The following PKHD1 variants were observed in gnomAD, a reference collection of about 807,000 sequenced individuals.
PKHD1 encodes PKHD1 ciliary IPT domain containing fibrocystin/polyductin.
Under a neutral mutation model 412.0 loss-of-function variants are expected in PKHD1, and 291 were observed. The ratio of observed to expected loss-of-function variants is 0.71; its 90% CI spans 0.64 to 0.78. PKHD1 has a LOEUF of 0.78. PKHD1 is among the 30% of genes least tolerant of loss of function. The probability of loss-of-function intolerance (pLI) is 0.00; values close to 1 mark genes in which losing one functional copy is unlikely to be tolerated. For synonymous variants in PKHD1, 1,777 were observed against 1,821.5 expected (o/e 0.98, Z 0.62); for missense variants, 4,825 against 4,950.7 (o/e 0.97, Z 0.76).
chr6:51,920,110 C>T (rs1000304802), intron 37 of PKHD1, among the ~76,000 whole-genome samples: 1 of 152,182 alleles, frequency 6.6e-6, no homozygotes, highest in African/African-American at 2.4e-5. Context: ...TAATTGAATA[C>T]CCTTTATTTC....
chr6:52,014,700 A>ATG (rs1800264516), intron 34 of PKHD1, among the ~76,000 whole-genome samples: 3 of 80,664 alleles, frequency 3.7e-5, no homozygotes, highest in South Asian at 4.4e-4. Flanking sequence ...TATACTGGAT[A>ATG]GATGGATGGA....
chr6:52,003,957 G>C (rs1006387395), intron 35 of PKHD1, among the ~76,000 whole-genome samples: 2 of 152,104 alleles, frequency 1.3e-5, no homozygotes, highest in Admixed American at 1.3e-4. Flanking sequence ...TAACATTATT[G>C]AGAACTCCAA....
intron 65 of PKHD1, among the ~76,000 whole-genome samples, chr6:51,627,372 G>A (rs1226615955): frequency 6.6e-6 from 1 of 151,756 alleles, no homozygotes; most frequent in African/African-American, 2.4e-5. Context: ...AATGTTACTA[G>A]TTAAATTGAG....
At chr6:52,035,464 C>A in intron 28 of PKHD1, 127 bp downstream of exon 28, 1 of 964,986 alleles carries the variant, frequency 1.0e-6, no homozygotes, top group South Asian at 1.3e-5. Flanking sequence ...ATAACTACTA[C>A]AAGCATACTA....
In PKHD1 at chr6:51,659,703, C is replaced by T; in HGVS notation, c.10423G>A (p.Asp3475Asn). The change falls in exon 61 of 67, where the codon GAT (aspartate) becomes AAT (asparagine). Residue 3475 changes from aspartate (D) to asparagine (N), a missense_variant. Asp to Asn is a conservative substitution (Grantham distance 23). Transcript: ENST00000371117. ...AAGCGCAAAACTTGAGGAGTTTGAT[C>T]CATGAAGCAGACTTTGGTGATTTGC... ...IRQITKVCFM[D>N]QTPQVLRFFL... 6.2e-7 allele frequency: 1 copy of T among 1,613,764 alleles called. No homozygotes were observed. The highest frequency in any genetic ancestry group is 8.5e-7 in the Non-Finnish European group (1 of 1,179,872).
At chr6:52,057,017 C>A (rs199601270) in intron 16 of PKHD1, 38 bp from the exon 17 acceptor site, 3 of 1,316,150 alleles carry the variant, frequency 2.3e-6, no homozygotes, top group Non-Finnish European at 3.3e-6. Flanking sequence ...AATGATGGTG[C>A]TAATTAAGCC....
intron 29 of PKHD1, among the ~76,000 whole-genome samples, chr6:52,031,157 GA>G (rs1218025405): frequency 1.3e-5 from 2 of 152,154 alleles, no homozygotes; most frequent in African/African-American, 4.8e-5. Flanking sequence ...TGATTACCTT[GA>G]AAGAATTATT....
At chr6:51,848,345 G>T in intron 49 of PKHD1, among the ~76,000 whole-genome samples, 1 of 152,132 alleles carries the variant, frequency 6.6e-6, no homozygotes, top group South Asian at 2.1e-4. Flanking sequence ...CTTTTCCCAC[G>T]ACTTGAAGCG....
intron 60 of PKHD1, among the ~76,000 whole-genome samples, chr6:51,719,882 T>G (rs370700034): frequency 3.9e-5 from 6 of 152,258 alleles, no homozygotes; most frequent in African/African-American, 1.4e-4. Context: ...TCCTGACATA[T>G]ATGCCATGTC....
intron 55 of PKHD1, among the ~76,000 whole-genome samples, chr6:51,771,583 C>T (rs568996578): frequency 6.7e-6 from 1 of 148,960 alleles, no homozygotes; most frequent in African/African-American, 2.5e-5. Context: ...TGTGCCATTG[C>T]AATCCATCCT....
At chr6:52,043,850 C>T (rs1805334990) in intron 25 of PKHD1, 120 bp from the exon 26 acceptor site, 2 of 690,818 alleles carry the variant, frequency 2.9e-6, no homozygotes, top group Non-Finnish European at 5.2e-6. Context: ...ATTCTTATTC[C>T]TTTTTTCTAT....
intron 50 of PKHD1, among the ~76,000 whole-genome samples, chr6:51,846,105 T>C (rs984251566): frequency 1.3e-5 from 2 of 152,218 alleles, no homozygotes; most frequent in Non-Finnish European, 2.9e-5. Context: ...TTTATAGTTT[T>C]AGGTTACATT....
chr6:51,731,805 AC>A (rs1224401803), intron 60 of PKHD1, among the ~76,000 whole-genome samples: 1 of 152,164 alleles, frequency 6.6e-6, no homozygotes, highest in Non-Finnish European at 1.5e-5. Context: ...TTGAAATGTG[AC>A]TAGTGCACCC....
At chr6:51,970,950 T>C (rs1483789993) in intron 35 of PKHD1, among the ~76,000 whole-genome samples, 1 of 152,216 alleles carries the variant, frequency 6.6e-6, no homozygotes, top group African/African-American at 2.4e-5. Flanking sequence ...TTTGGTCCCA[T>C]ATGAATTTTA....
rs1802556795 is a variant in PKHD1 at position 52,028,452 on chromosome 6, C to T, written c.3365-101G>A. The T allele has an allele frequency of 5.6e-6, 6 of 1,071,368 alleles. No individual in the cohort carries two copies. The Admixed American group carries it at 5.6e-5, about 10-fold the overall frequency. The allele number at this position is 1,071,368 out of a possible 1,614,324, so 66.4% of individuals were successfully genotyped here. On this transcript the variant is annotated intron_variant, in intron 29 of 66. Transcript: ENST00000371117. ...TCTTTTTGGATTAAATTCACAGTCA[C>T]CCCTATGCATAATACTCTTAAGAGT...
In PKHD1 at chr6:51,748,370, T is replaced by G; in HGVS notation, c.9246A>C (p.Lys3082Asn). 1 of 1,614,070 alleles carries G rather than the reference T, an allele frequency of 6.2e-7. No individual in the cohort carries two copies. Among genetic ancestry groups the G allele is most frequent in the Middle Eastern group, 1.6e-4 (1 of 6,062 alleles). The change falls in exon 58 of 67, where the codon AAA becomes AAC. Residue 3082 changes from lysine to asparagine, a missense_variant. Lys to Asn is a moderately conservative substitution (Grantham distance 94). Transcript: ENST00000371117. ...GGTTGATGTCCTTTACCTGGTTCAC[T>G]TTGATTCCCGCCACCCAAATGGTGG... The part of the protein sequence containing the change: ...AWSTIWVAGI[K>N]VNQVKDINLH...
intron 63 of PKHD1, among the ~76,000 whole-genome samples, chr6:51,640,078 G>T (rs1769140411): frequency 6.6e-6 from 1 of 152,088 alleles, no homozygotes; most frequent in Non-Finnish European, 1.5e-5. Context: ...CAAGATAAAT[G>T]CAGTTTATAC....
chr6:52,072,014 T>C, intron 8 of PKHD1, 101 bp downstream of exon 8: 5 of 782,330 alleles, frequency 6.4e-6, no homozygotes, highest in South Asian at 2.8e-5. Context: ...AAAAAACAGA[T>C]ATATGGTGAG....
chr6:51,870,413 A>T, intron 47 of PKHD1, 91 bp downstream of exon 47: 1 of 1,062,556 alleles, frequency 9.4e-7, no homozygotes, highest in Non-Finnish European at 1.5e-6. Context: ...ACTGAAAGAG[A>T]TAATGATTCA....
Sources: allele counts gnomAD v4.1 joint callset (sites outside exome capture counted in the v4.1 genomes callset), GRCh38; gene constraint gnomAD v4.1.1; transcripts MANE v1.5; gene names NCBI Gene and HGNC (gene_info 2026-07-23, HGNC 2026-07-21).